Variants in PAX7 observed in about 807,000 individuals in gnomAD.
PAX7 encodes the protein paired box 7.
A neutral mutation model predicts 50.7 loss-of-function variants in PAX7; 18 were observed. The observed-to-expected ratio is 0.36, with a 90% CI of 0.25 to 0.53. The LOEUF (loss-of-function observed/expected upper bound fraction) is 0.53. Among genes scored for constraint, PAX7 ranks in the 20% least tolerant of loss-of-function variants. PAX7 has a pLI of 0.93. For missense variants in PAX7, 644 were observed against 702.9 expected (o/e 0.92, Z 0.95); for synonymous variants, 310 against 290.4 (o/e 1.07, Z -0.69).
Position 18,634,372 on chromosome 1 carries a change from C to T in PAX7, c.155C>T (p.Pro52Leu). ...GGVFINGRPL[P>L]NHIRHKIVEM... The stretch of plus-strand genomic sequence containing the variant: ...GTCTTCATCAATGGGCGACCCCTGC[C>T]TAACCACATCCGCCACAAGATAGTG... Residue 52 changes from proline (P) to leucine (L), a missense_variant, in exon 2 of 9, where the codon CCT (proline) becomes CTT (leucine). Transcript: ENST00000420770. The surrounding 1 kb of genome is among the most constrained non-coding windows in gnomAD (Gnocchi z 4.0). 3 of 1,614,138 alleles carry T rather than the reference C, an allele frequency of 1.9e-6. No homozygotes were observed. Among genetic ancestry groups the T allele is most frequent in the South Asian group, 1.1e-5 (1 of 91,080 alleles).
At position 18,693,156 on chromosome 1, in the gene PAX7, C is replaced by A. The variant is rs1378287480; in HGVS notation, c.786+1203C>A. The stretch of plus-strand genomic sequence containing the variant: ...GGAGGCATAGAGAGAGGGGAAAGAT[C>A]CCCATTACCAGAATCTAAGCAGTGC... On this transcript the variant is annotated intron_variant, in intron 5 of 8. Transcript: ENST00000420770. 2.0e-5 allele frequency among the ~76,000 whole-genome samples: 3 copies of A among 152,128 alleles called. No individual in the cohort carries two copies. In the East Asian group the frequency reaches 5.8e-4, roughly 30 times the overall value.
In PAX7 at chr1:18,631,092, A is replaced by G. The variant is rs2088032831; in HGVS notation, c.-512A>G. 2 of 230,000 alleles carry G rather than the reference A, an allele frequency of 8.7e-6. No individual in the cohort carries two copies. Among genetic ancestry groups the G allele is most frequent in the Non-Finnish European group, 1.7e-5 (2 of 116,030 alleles). 14.2% of individuals were successfully genotyped at this position (230,000 alleles called of 1,614,324 possible). A position where few individuals can be genotyped will look rare whatever the true frequency, so the allele number is the denominator to read the frequency against. On this transcript the variant is annotated 5_prime_UTR_variant, in exon 1 of 9. It adds an upstream start codon to the 5' untranslated region. Transcript: ENST00000420770. ...AGGGAGCGAGAGCGAGAGAATAAAT[A>G]TATAAATAAATACGAGAACGAAATC...
chr1:18,645,542 AGG>A (rs1169994572), intron 4 of PAX7, among the ~76,000 whole-genome samples: 1 of 152,208 alleles, frequency 6.6e-6, no homozygotes, highest in Non-Finnish European at 1.5e-5. Context: ...AGCCTCCGCG[AGG>A]GCGACAGGTG....
intron 7 of PAX7, among the ~76,000 whole-genome samples, chr1:18,732,703 TGATACTGTCAGATTGG>T (rs2089661386): frequency 6.6e-6 from 1 of 152,142 alleles, no homozygotes; most frequent in Non-Finnish European, 1.5e-5. Flanking sequence ...AATTCTTGAG[TGATACTGTCAGATTGG>T]GCAGCAGTTC....
chr1:18,724,437 C>T (rs1306300043), intron 7 of PAX7, among the ~76,000 whole-genome samples: 1 of 152,266 alleles, frequency 6.6e-6, no homozygotes, highest in Non-Finnish European at 1.5e-5. Context: ...AGCTCAAACC[C>T]TCTCTGTCTG....
chr1:18,741,502 G>A (rs572191486), intron 8 of PAX7, among the ~76,000 whole-genome samples: 1 of 152,002 alleles, frequency 6.6e-6, no homozygotes, highest in Admixed American at 6.6e-5. Context: ...AAATCCTGAA[G>A]GTGATGGATG....
At position 18,634,590 on chromosome 1, in the gene PAX7, T is replaced by C; in HGVS notation, c.321+52T>C. ...CAGCTGGCTTCCTATAGTCGGGGGCTCCTGGTTGTGGCCCCTCTTACTACC... is the reference window on the plus strand; with the variant it reads ...CAGCTGGCTTCCTATAGTCGGGGGCCCCTGGTTGTGGCCCCTCTTACTACC... On this transcript the variant is annotated intron_variant, in intron 2 of 8. Transcript: ENST00000420770. This position sits in a 1 kb window ranked among gnomAD's most constrained non-coding sequence, Gnocchi z 4.0. 1.3e-6 allele frequency: 2 copies of C among 1,513,184 alleles called. No homozygotes were observed. The highest frequency in any genetic ancestry group is 1.8e-6 in the Non-Finnish European group (2 of 1,096,062). The allele number at this position is 1,513,184 out of a possible 1,614,324, so 93.7% of individuals were successfully genotyped here.
intron 4 of PAX7, among the ~76,000 whole-genome samples, chr1:18,687,725 C>T (rs370575935): frequency 3.3e-5 from 5 of 152,194 alleles, no homozygotes; most frequent in African/African-American, 9.6e-5. Flanking sequence ...CTGCCCTCCC[C>T]ACTCAGTGTC....
intron 2 of PAX7, 89 bp from the exon 3 acceptor site, chr1:18,635,022 G>T: frequency 6.6e-7 from 1 of 1,504,366 alleles, no homozygotes; most frequent in Non-Finnish European, 9.0e-7. Flanking sequence ...CACCAGCCTG[G>T]TCTGGGGCTC....
chr1:18,743,179 C>T (rs551341431), intron 8 of PAX7, among the ~76,000 whole-genome samples: 113 of 152,366 alleles, frequency 7.4e-4, no homozygotes, highest in Non-Finnish European at 1.4e-3. Flanking sequence ...CTTTAACCTT[C>T]ATAACAGCTC....
chr1:18,674,701 T>C (rs1570154674), intron 4 of PAX7, among the ~76,000 whole-genome samples: 1 of 152,210 alleles, frequency 6.6e-6, no homozygotes, highest in African/African-American at 2.4e-5. Flanking sequence ...GTCCCCCTTT[T>C]TCCACTGTGC....
intron 7 of PAX7, among the ~76,000 whole-genome samples, chr1:18,730,622 G>A (rs2089634184): frequency 6.6e-6 from 1 of 151,898 alleles, no homozygotes; most frequent in African/African-American, 2.4e-5. Flanking sequence ...ATCACAGAGG[G>A]TGCAGATCTC....
chr1:18,743,381 C>T (rs373179504), intron 8 of PAX7, among the ~76,000 whole-genome samples: 5 of 152,224 alleles, frequency 3.3e-5, no homozygotes, highest in Non-Finnish European at 5.9e-5. Context: ...CCTCCCTGGC[C>T]TCATCCTCAG....
At chr1:18,739,292 A>G (rs9439734) in intron 8 of PAX7, among the ~76,000 whole-genome samples, 7,642 of 152,292 alleles carry the variant, frequency 0.05, 557 homozygotes, top group African/African-American at 0.16. Flanking sequence ...GCAGCGATAC[A>G]CACCTGAGCC....
intron 7 of PAX7, among the ~76,000 whole-genome samples, chr1:18,733,150 C>A (rs2089667568): frequency 1.3e-5 from 1 of 74,560 alleles, no homozygotes; most frequent in Admixed American, 1.7e-4. Flanking sequence ...TTGCTCTCCT[C>A]CCCAAGCCCC....
At chr1:18,646,230 T>C (rs1454725887) in intron 4 of PAX7, among the ~76,000 whole-genome samples, 7 of 152,230 alleles carry the variant, frequency 4.6e-5, no homozygotes, top group Non-Finnish European at 7.3e-5. Context: ...TGGAACTTTC[T>C]TTAATAAATG....
At chr1:18,682,508 C>T (rs1413742763) in intron 4 of PAX7, among the ~76,000 whole-genome samples, 1 of 152,208 alleles carries the variant, frequency 6.6e-6, no homozygotes, top group Non-Finnish European at 1.5e-5. Context: ...AATGCCAGCT[C>T]ACCCTGTCTT....
rs3833994 is a variant in PAX7 at position 18,702,177 on chromosome 1, C to CAA, written c.953-906_953-905dup. On this transcript the variant is annotated intron_variant, in intron 6 of 8. Transcript: ENST00000420770. Reference sequence around the variant, plus strand: ...TGAAACTCCATCTCTACTAAAAATACAAAAAAAAAAAATTATCTGGGCATG... The same window carrying CAA: ...TGAAACTCCATCTCTACTAAAAATACAAAAAAAAAAAAAATTATCTGGGCATG... Among the ~76,000 whole-genome samples, 132 of 146,506 alleles carry CAA rather than the reference C, an allele frequency of 9.0e-4. 1 individual carries two copies. Among genetic ancestry groups the CAA allele is most frequent in the African/African-American group, 2.2e-3 (86 of 39,916 alleles).
rs574082568 is a variant in PAX7, at chr1:18,736,263, A to G, written c.1402+385A>G. Reference sequence around the variant, plus strand: ...ACGAATCACTTGAGCCCAGGAGTTCAAGACCAGCCTGGTCAACATGGTGAA... The same window carrying G: ...ACGAATCACTTGAGCCCAGGAGTTCGAGACCAGCCTGGTCAACATGGTGAA... On this transcript the variant is annotated intron_variant, in intron 8 of 8. Coordinates refer to ENST00000420770, the MANE Select transcript of PAX7 (RefSeq NM_001135254.2). The G allele has an allele frequency of 1.8e-4, 80 of 444,832 alleles. 1 individual carries two copies. The highest frequency in any genetic ancestry group is 1.2e-3 in the Middle Eastern group (2 of 1,694). 27.6% of individuals were successfully genotyped at this position (444,832 alleles called of 1,614,324 possible).
Sources: gnomAD v4.1 joint callset for allele counts (sites outside exome capture counted in the v4.1 genomes callset) on GRCh38, gnomAD v4.1.1 for gene constraint, Gnocchi (gnomAD v3.1) non-coding constraint, MANE v1.5 for transcripts, NCBI Gene and HGNC (gene_info 2026-07-23, HGNC 2026-07-21) for gene names.